Variants in REELD1 observed in about 807,000 individuals in gnomAD.
The protein encoded by REELD1 is reeler domain containing 1.
Under a neutral mutation model 6.3 loss-of-function variants are expected in REELD1, and 12 were observed. That is an observed-to-expected ratio of 1.89 (90% CI 1.21 to 3.07). The LOEUF (loss-of-function observed/expected upper bound fraction) is 3.07, where lower values mean the gene tolerates loss of function less well. REELD1 is among the 30% of genes most tolerant of loss of function. The pLI, the probability that REELD1 is intolerant of heterozygous loss-of-function variation, is 0.00. For synonymous variants in REELD1, 57 were observed against 33.6 expected, an observed-to-expected ratio of 1.70 and a Z score of -2.42; for missense variants, 163 against 86.8, an observed-to-expected ratio of 1.88 and a Z score of -3.49.
rs138753058 is a variant in REELD1 at position 146,220,209 on chromosome 4, A to T, written c.209-2148A>T. ...GTGATCCACCCGCCTCAGCCTCCCAAAGTGCTGGGGTTACAGGCGTGAGCC... is the reference window on the plus strand; with the variant it reads ...GTGATCCACCCGCCTCAGCCTCCCATAGTGCTGGGGTTACAGGCGTGAGCC... On this transcript the variant is annotated intron_variant, in intron 3 of 7. Transcript: ENST00000623665. Among the ~76,000 whole-genome samples, 756 of 152,302 alleles carry T rather than the reference A, an allele frequency of 5.0e-3. 20 individuals carry two copies. The highest frequency in any genetic ancestry group is 0.049 in the East Asian group (256 of 5,184).
chr4:146,223,744 G>A (rs1341660084), intron 4 of REELD1, among the ~76,000 whole-genome samples: 1 of 152,196 alleles, frequency 6.6e-6, no homozygotes, highest in Non-Finnish European at 1.5e-5. Context: ...GATAATGTCC[G>A]CCGAGTCTGG....
chr4:146,221,899 G>A (rs1337556293), intron 3 of REELD1, among the ~76,000 whole-genome samples: 1 of 151,654 alleles, frequency 6.6e-6, no homozygotes. Flanking sequence ...ATTTCTGTTT[G>A]TATCCTTTCA....
At chr4:146,228,777 AAT>A (rs1242072259) in intron 6 of REELD1, among the ~76,000 whole-genome samples, 2 of 152,094 alleles carry the variant, frequency 1.3e-5, no homozygotes, top group African/African-American at 4.8e-5. Flanking sequence ...TTATATTTTA[AAT>A]ATATTTATAA....
chr4:146,222,427 C>A lies in REELD1; in HGVS notation c.279C>A (p.Ile93=), dbSNP rs990587951. 2.5e-6 allele frequency: 1 copy of A among 398,478 alleles called. No homozygotes were observed. The highest frequency in any genetic ancestry group is 1.3e-4 in the South Asian group (1 of 7,864). The allele number at this position is 398,478 out of a possible 1,614,324, so 24.7% of individuals were successfully genotyped here. Residue 93 remains isoleucine, a synonymous_variant, in exon 4 of 8, where the codon ATC becomes ATA. Coordinates refer to ENST00000623665, the MANE Select transcript of REELD1 (RefSeq NM_001354631.1). ...CTCGAAGAGTGTCCGATCATCAAAT[C>A]GCTGGCACTTTCGTTCTCATTCCTC... The part of the protein sequence containing the change: ...LQARRVSDHQ[I]AGTFVLIPPH...
At chr4:146,225,324 G>T (rs1731001939) in intron 5 of REELD1, among the ~76,000 whole-genome samples, 1 of 152,138 alleles carries the variant, frequency 6.6e-6, no homozygotes, top group South Asian at 2.1e-4. Flanking sequence ...ACTCGTAAAA[G>T]CATCCAGACA....
chr4:146,230,462 A>G lies in REELD1; in HGVS notation c.1530A>G (p.Ala510=). The G allele has an allele frequency of 2.5e-6, 1 of 398,710 alleles. No individual in the cohort carries two copies. Among genetic ancestry groups the G allele is most frequent in the Non-Finnish European group, 4.4e-6 (1 of 226,098 alleles). 24.7% of individuals were successfully genotyped at this position (398,710 alleles called of 1,614,324 possible). A position where few individuals can be genotyped will look rare whatever the true frequency, so the allele number is the denominator to read the frequency against. The change falls in exon 8 of 8, where the codon GCA becomes GCG. Residue 510 remains alanine, a synonymous_variant. Transcript: ENST00000623665. ...IGENSFVLVQ[A]EYNWITPSVG... Reference sequence around the variant, plus strand: ...AGAACAGTTTTGTTTTGGTTCAAGCAGAGTACAACTGGATCACTCCTTCTG... The same window carrying G: ...AGAACAGTTTTGTTTTGGTTCAAGCGGAGTACAACTGGATCACTCCTTCTG...
chr4:146,218,012 C>T lies in REELD1; in HGVS notation c.208+852C>T, dbSNP rs529409028. Among the ~76,000 whole-genome samples, 31 of 152,256 alleles carry T rather than the reference C, an allele frequency of 2.0e-4. No homozygotes were observed. The South Asian group carries it at 2.3e-3, about 11-fold the overall frequency. On this transcript the variant is annotated intron_variant, in intron 3 of 7. Transcript: ENST00000623665. ...GGTGCCTATAAAAGCAGGGAAAGAA[C>T]GTGAGCGCAGGTGGTTTATGTGAGA...
chr4:146,219,628 TA>T (rs951008480), intron 3 of REELD1, among the ~76,000 whole-genome samples: 4 of 152,260 alleles, frequency 2.6e-5, no homozygotes, highest in East Asian at 1.9e-4. Flanking sequence ...GTGGCTTTTT[TA>T]AAAAAAATTT....
At position 146,231,247 on chromosome 4, in the gene REELD1, C is replaced by G. The variant is rs748562095; in HGVS notation, c.*734C>G. Among the ~76,000 whole-genome samples the G allele has an allele frequency of 6.6e-6, 1 of 152,226 alleles. No individual in the cohort carries two copies. Among genetic ancestry groups the G allele is most frequent in the Non-Finnish European group, 1.5e-5 (1 of 68,038 alleles). On this transcript the variant is annotated 3_prime_UTR_variant, in exon 8 of 8. Coordinates refer to ENST00000623665, the MANE Select transcript of REELD1 (RefSeq NM_001354631.1). ...TCAGGTGTAAATGGATCTGAGACCTCCCATCCATTTACACTTGATGGAAAC... is the reference window on the plus strand; with the variant it reads ...TCAGGTGTAAATGGATCTGAGACCTGCCATCCATTTACACTTGATGGAAAC...
chr4:146,228,138 T>C, intron 5 of REELD1, 72 bp from the exon 6 acceptor site: 1 of 655,512 alleles, frequency 1.5e-6, no homozygotes, highest in Non-Finnish European at 2.8e-6. Context: ...CCCCTGATCA[T>C]AGCTGTTTGT....
chr4:146,223,798 C>T (rs942405170), intron 4 of REELD1, among the ~76,000 whole-genome samples: 10 of 152,340 alleles, frequency 6.6e-5, no homozygotes, highest in Middle Eastern at 6.8e-3. Context: ...CACTGCGTCT[C>T]GAGCCTCTGG....
intron 3 of REELD1, among the ~76,000 whole-genome samples, chr4:146,219,365 C>T (rs549690392): frequency 2.6e-5 from 4 of 152,254 alleles, no homozygotes; most frequent in Admixed American, 6.5e-5. Context: ...TACTGACTTA[C>T]GTTGCAAGTA....
chr4:146,220,520 C>G (rs530344283), intron 3 of REELD1, among the ~76,000 whole-genome samples: 3 of 152,228 alleles, frequency 2.0e-5, no homozygotes, highest in African/African-American at 7.2e-5. Context: ...TTGGGTGAAG[C>G]CATTCAATGA....
intron 6 of REELD1, among the ~76,000 whole-genome samples, 197 bp downstream of exon 6, chr4:146,228,719 G>T (rs528142456): frequency 6.6e-6 from 1 of 152,186 alleles, no homozygotes; most frequent in Non-Finnish European, 1.5e-5. Flanking sequence ...CTTGGATGGG[G>T]TGAGATCTCT....
At chr4:146,223,189 C>T (rs752135329) in intron 4 of REELD1, among the ~76,000 whole-genome samples, 3 of 152,284 alleles carry the variant, frequency 2.0e-5, no homozygotes, top group South Asian at 2.1e-4. Flanking sequence ...TTTTCTCTTT[C>T]GGGAAAGGGT....
intron 3 of REELD1, among the ~76,000 whole-genome samples, chr4:146,218,833 G>C (rs1730870341): frequency 1.3e-5 from 2 of 152,100 alleles, no homozygotes; most frequent in Non-Finnish European, 2.9e-5. Context: ...TGTGGCTAGG[G>C]GAATAACAAC....
At chr4:146,222,123 A>G (rs1050750783) in intron 3 of REELD1, among the ~76,000 whole-genome samples, 1 of 152,124 alleles carries the variant, frequency 6.6e-6, no homozygotes, top group Non-Finnish European at 1.5e-5. Context: ...TCTAAATCCA[A>G]TATTTATAAA....
At position 146,219,965 on chromosome 4, in the gene REELD1, A is replaced by T. The variant is rs1397168422; in HGVS notation, c.209-2392A>T. ...TTGTTTTTTTGTTTGTTTTTTTAAG[A>T]CAGAGTCTCACTCTGTCACCCAGGT... On this transcript the variant is annotated intron_variant, in intron 3 of 7. Transcript: ENST00000623665. Among the ~76,000 whole-genome samples the T allele has an allele frequency of 5.3e-5, 8 of 152,198 alleles. No homozygotes were observed. The South Asian group carries it at 6.2e-4, about 12-fold the overall frequency.
intron 3 of REELD1, among the ~76,000 whole-genome samples, chr4:146,221,946 T>C (rs1021722944): frequency 1.3e-5 from 2 of 152,224 alleles, no homozygotes; most frequent in African/African-American, 4.8e-5. Context: ...GAATTCACCA[T>C]GACAATGAAT....
Sources: allele counts gnomAD v4.1 joint callset (sites outside exome capture counted in the v4.1 genomes callset), GRCh38; gene constraint gnomAD v4.1.1; transcripts MANE v1.5; gene names NCBI Gene and HGNC (gene_info 2026-07-23, HGNC 2026-07-21).